NADSYN1: variants seen among roughly 807,000 people sequenced by gnomAD.
The protein encoded by NADSYN1 is glutamine-dependent NAD(+) synthetase.
A neutral mutation model predicts 99.3 loss-of-function variants in NADSYN1; 80 were observed. The ratio of observed to expected loss-of-function variants is 0.81; its 90% CI spans 0.67 to 0.97. The LOEUF is 0.97. Among genes scored for constraint, NADSYN1 ranks in the 50% least tolerant of loss-of-function variants. NADSYN1 has a pLI of 0.00. For synonymous variants in NADSYN1, 385 were observed against 372.1 expected (o/e 1.03, Z -0.40); for missense variants, 859 against 948.5 (o/e 0.91, Z 1.24).
At chr11:71,459,295 CTG>C (rs1223576786) in intron 3 of NADSYN1, among the ~76,000 whole-genome samples, 2 of 150,542 alleles carry the variant, frequency 1.3e-5, no homozygotes, top group African/African-American at 2.5e-5. Context: ...ATGGAGGCCT[CTG>C]TGTGCGCTGT....
chr11:71,477,151 C>T (rs932570093), intron 9 of NADSYN1: 11 of 1,139,736 alleles, frequency 9.7e-6, no homozygotes, highest in African/African-American at 4.9e-5. Flanking sequence ...GTCGGGCCCG[C>T]GTTTCTCAGG....
rs762707801 is a variant in NADSYN1, at chr11:71,481,921, A to G, written c.1048-2A>G. On this transcript the variant is annotated splice_acceptor_variant, in intron 12 of 20. Transcript: ENST00000319023. LOFTEE classifies it high-confidence loss of function. ...TCACGCTGTCTGATTGGTCCATTCCAGGCAGGGTTTTTGCTGCCCTTGAGT... is the reference window on the plus strand; with the variant it reads ...TCACGCTGTCTGATTGGTCCATTCCGGGCAGGGTTTTTGCTGCCCTTGAGT... 31 of 1,612,720 alleles carry G rather than the reference A, an allele frequency of 1.9e-5. No individual in the cohort carries two copies. The highest frequency in any genetic ancestry group is 1.3e-5 in the African/African-American group (1 of 74,876).
intron 9 of NADSYN1, chr11:71,477,377 C>A: frequency 7.8e-7 from 1 of 1,289,798 alleles, no homozygotes; most frequent in South Asian, 1.2e-5. Context: ...CTTTGGGAAG[C>A]AGCCAGAGAA....
intron 2 of NADSYN1, among the ~76,000 whole-genome samples, chr11:71,457,152 A>C (rs1591120256): frequency 2.0e-5 from 3 of 152,280 alleles, no homozygotes; most frequent in Admixed American, 1.3e-4. Context: ...TTGGTTTCAC[A>C]TGTGGGCCAG....
chr11:71,462,973 C>T (rs1949559903), intron 3 of NADSYN1, among the ~76,000 whole-genome samples: 1 of 152,092 alleles, frequency 6.6e-6, no homozygotes, highest in African/African-American at 2.4e-5. Context: ...AGCGTGAAGC[C>T]AAGACCCAGT....
At chr11:71,475,966 A>C in intron 9 of NADSYN1, 1 of 452,834 alleles carries the variant, frequency 2.2e-6, no homozygotes, top group Non-Finnish European at 4.4e-6. Context: ...CACGCACCTC[A>C]GCCTCCCAAA....
chr11:71,491,891 C>A lies in NADSYN1; in HGVS notation c.1752C>A (p.Ser584=). 6.2e-7 allele frequency: 1 copy of A among 1,614,012 alleles called. No individual in the cohort carries two copies. Among genetic ancestry groups the A allele is most frequent in the Non-Finnish European group, 8.5e-7 (1 of 1,179,972 alleles). Residue 584 remains serine, a synonymous_variant, in exon 18 of 21, where the codon TCC becomes TCA. Coordinates refer to ENST00000319023, the MANE Select transcript of NADSYN1 (RefSeq NM_018161.5). The part of the protein sequence containing the change: ...ELEPLADGQV[S]QTDEEDMGMT... ...AGCCCTTGGCTGATGGACAGGTGTC[C>A]CAGACCGACGAGGTAATGGCGGTGG...
At chr11:71,474,237 A>G (rs757540100) in intron 8 of NADSYN1, among the ~76,000 whole-genome samples, 158 bp from the exon 9 acceptor site, 2 of 152,038 alleles carry the variant, frequency 1.3e-5, no homozygotes, top group Non-Finnish European at 2.9e-5. Context: ...GCAGCTTCAC[A>G]GGTCTGTGCT....
At chr11:71,472,689 G>A (rs932537619) in intron 6 of NADSYN1, among the ~76,000 whole-genome samples, 189 bp downstream of exon 6, 2 of 152,182 alleles carry the variant, frequency 1.3e-5, no homozygotes, top group African/African-American at 4.8e-5. Context: ...CAGCAGCCAG[G>A]GTGGCTCCTC....
chr11:71,458,801 G>A (rs2120396755), intron 3 of NADSYN1: 1 of 405,398 alleles, frequency 2.5e-6, no homozygotes, highest in South Asian at 2.8e-5. Context: ...AGCAGACTCT[G>A]CACAAAGGGG....
At chr11:71,479,809 T>C (rs1033933396) in intron 10 of NADSYN1, 6 of 152,270 alleles carry the variant, frequency 3.9e-5, no homozygotes, top group African/African-American at 4.8e-5. Flanking sequence ...CTCACTGATA[T>C]GAAGAGTCGG....
chr11:71,461,840 C>CGTGG (rs1046210072), intron 3 of NADSYN1, among the ~76,000 whole-genome samples: 1 of 152,218 alleles, frequency 6.6e-6, no homozygotes, highest in African/African-American at 2.4e-5. Context: ...CCCCACCAGG[C>CGTGG]CCCACCTCCA....
chr11:71,481,507 A>C, intron 12 of NADSYN1, 103 bp downstream of exon 12: 1 of 1,153,402 alleles, frequency 8.7e-7, no homozygotes, highest in Non-Finnish European at 1.3e-6. Flanking sequence ...TTTTAGTGCA[A>C]ACAACAAAAA....
chr11:71,462,455 T>G lies in NADSYN1; in HGVS notation c.264-977T>G, dbSNP rs561884719. ...GGCCCCCTCGAGTTGGTCCTGCCTTTCCAGTTCGAGCAGTGCCCATCTTGT... is the reference window on the plus strand; with the variant it reads ...GGCCCCCTCGAGTTGGTCCTGCCTTGCCAGTTCGAGCAGTGCCCATCTTGT... On this transcript the variant is annotated intron_variant, in intron 3 of 20. Coordinates refer to ENST00000319023, the MANE Select transcript of NADSYN1 (RefSeq NM_018161.5). 8.5e-5 allele frequency among the ~76,000 whole-genome samples: 13 copies of G among 152,280 alleles called. 1 individual carries two copies. In the South Asian group the frequency reaches 2.7e-3, roughly 32 times the overall value.
At position 71,481,373 on chromosome 11, in the gene NADSYN1, G is replaced by T. The variant is rs761281562; in HGVS notation, c.1016G>T (p.Trp339Leu). Reference sequence around the variant, plus strand: ...CCCTGCAGCCTTGGACCTGCCTGCTGGCTCTGGGATTTTTTAAGACGAAGT... The same window carrying T: ...CCCTGCAGCCTTGGACCTGCCTGCTTGCTCTGGGATTTTTTAAGACGAAGT... ...EEEISLGPAC[W>L]LWDFLRRSQQ... Residue 339 changes from tryptophan to leucine, a missense_variant, in exon 12 of 21, where the codon TGG becomes TTG. By Grantham distance (61) the Trp-to-Leu change is moderately conservative. Coordinates refer to ENST00000319023, the MANE Select transcript of NADSYN1 (RefSeq NM_018161.5). 6.2e-7 allele frequency: 1 copy of T among 1,614,092 alleles called. No homozygotes were observed. Among genetic ancestry groups the T allele is most frequent in the South Asian group, 1.1e-5 (1 of 91,082 alleles).
intron 16 of NADSYN1, among the ~76,000 whole-genome samples, chr11:71,488,892 A>G (rs1367894499): frequency 2.0e-5 from 3 of 152,110 alleles, no homozygotes; most frequent in African/African-American, 7.2e-5. Context: ...AAAGACCAGT[A>G]GAGAGGGAGT....
intron 20 of NADSYN1, 139 bp downstream of exon 20, chr11:71,498,667 T>C: frequency 1.1e-6 from 1 of 941,212 alleles, no homozygotes. Flanking sequence ...AAGGGACAAG[T>C]ATGTTTAAAG....
At chr11:71,455,318 A>C in intron 2 of NADSYN1, 148 bp downstream of exon 2, 1 of 631,328 alleles carries the variant, frequency 1.6e-6, no homozygotes. Context: ...ATGCCATTGA[A>C]CACCTGAGCA....
intron 5 of NADSYN1, among the ~76,000 whole-genome samples, chr11:71,471,970 A>T (rs530246792): frequency 3.3e-5 from 5 of 152,202 alleles, no homozygotes; most frequent in Non-Finnish European, 7.3e-5. Context: ...GACACCTTGC[A>T]CTAAAGTTGG....
Sources: gnomAD v4.1 joint callset for allele counts (sites outside exome capture counted in the v4.1 genomes callset) on GRCh38, gnomAD v4.1.1 for gene constraint, MANE v1.5 for transcripts, NCBI Gene and HGNC (gene_info 2026-07-23, HGNC 2026-07-21) for gene names.